CERT1: variants seen among roughly 807,000 people sequenced by gnomAD.
CERT1 encodes ceramide transfer protein.
A neutral mutation model predicts 87.9 loss-of-function variants in CERT1; 31 were observed. The observed-to-expected ratio is 0.35, with a 90% confidence interval of 0.27 to 0.48. The LOEUF is 0.48. CERT1 is among the 20% of genes least tolerant of loss of function. CERT1 has a pLI of 0.99. For missense variants in CERT1, 487 were observed against 758.0 expected, an observed-to-expected ratio of 0.64 and a Z score of 4.20; for synonymous variants, 289 against 250.9, an observed-to-expected ratio of 1.15 and a Z score of -1.44.
intron 5 of CERT1, 62 bp from the exon 6 acceptor site, chr5:75,419,486 A>G (rs1260184071): frequency 4.8e-5 from 53 of 1,104,522 alleles, no homozygotes; most frequent in Non-Finnish European, 8.1e-6. Flanking sequence ...GTCTATTCTT[A>G]TGTTCAACTG....
intron 2 of CERT1, among the ~76,000 whole-genome samples, chr5:75,462,862 C>T (rs767019831): frequency 2.3e-4 from 35 of 151,464 alleles, no homozygotes; most frequent in Middle Eastern, 3.4e-3. Context: ...TGTGGTGGCG[C>T]GCGCCTGTAG....
chr5:75,475,701 T>C (rs952847079), intron 2 of CERT1, among the ~76,000 whole-genome samples: 4 of 152,084 alleles, frequency 2.6e-5, no homozygotes, highest in African/African-American at 9.7e-5. Flanking sequence ...TAGCCTTTTT[T>C]TTTTCTTTTT....
chr5:75,473,684 T>C (rs1211771495), intron 2 of CERT1, among the ~76,000 whole-genome samples: 1 of 152,142 alleles, frequency 6.6e-6, no homozygotes, highest in Non-Finnish European at 1.5e-5. Context: ...CTATAGTTAA[T>C]GATTACATAC....
At chr5:75,458,596 G>C (rs551717689) in intron 3 of CERT1, among the ~76,000 whole-genome samples, 35 of 151,540 alleles carry the variant, frequency 2.3e-4, no homozygotes, top group Non-Finnish European at 2.6e-4. Flanking sequence ...CTGTTGCCCA[G>C]GCTGGAGTGC....
chr5:75,510,614 C>T (rs1223683760), intron 1 of CERT1, among the ~76,000 whole-genome samples: 2 of 152,168 alleles, frequency 1.3e-5, no homozygotes, highest in East Asian at 1.9e-4. Flanking sequence ...TGTCTCACTA[C>T]ATCTAACCTA....
intron 3 of CERT1, among the ~76,000 whole-genome samples, chr5:75,445,982 T>C (rs138643190): frequency 2.1e-4 from 32 of 152,362 alleles, no homozygotes; most frequent in African/African-American, 7.5e-4. Context: ...GTTGATTTTA[T>C]CTGTGAATCT....
At chr5:75,444,549 T>C (rs1008240704) in intron 3 of CERT1, among the ~76,000 whole-genome samples, 1 of 119,558 alleles carries the variant, frequency 8.4e-6, no homozygotes, top group Non-Finnish European at 1.6e-5. Flanking sequence ...TTTTCTTTTC[T>C]TTTTTTTTTT....
At chr5:75,415,262 G>T (rs1019631379) in intron 7 of CERT1, among the ~76,000 whole-genome samples, 1 of 152,152 alleles carries the variant, frequency 6.6e-6, no homozygotes, top group East Asian at 1.9e-4. Flanking sequence ...AGTGGAAAAG[G>T]TTAATAAAAT....
intron 2 of CERT1, among the ~76,000 whole-genome samples, chr5:75,490,603 C>T (rs367612229): frequency 0.017 from 2,540 of 152,018 alleles, 80 homozygotes; most frequent in African/African-American, 0.058. Flanking sequence ...GGTTCATGCC[C>T]TTCTCCTGCC....
At chr5:75,406,177 T>G (rs970664265) in intron 8 of CERT1, among the ~76,000 whole-genome samples, 1 of 152,268 alleles carries the variant, frequency 6.6e-6, no homozygotes, top group Admixed American at 6.5e-5. Flanking sequence ...AGTCAGTCTC[T>G]TAACCATTCT....
chr5:75,455,670 C>G (rs1764952836), intron 3 of CERT1, among the ~76,000 whole-genome samples: 1 of 152,106 alleles, frequency 6.6e-6, no homozygotes, highest in Non-Finnish European at 1.5e-5. Context: ...AAAATGAGTT[C>G]ATATTTATCT....
At chr5:75,380,510 C>A (rs1020069268) in intron 16 of CERT1, among the ~76,000 whole-genome samples, 1 of 151,978 alleles carries the variant, frequency 6.6e-6, no homozygotes, top group Non-Finnish European at 1.5e-5. Flanking sequence ...AAGGCTAGGT[C>A]GAGCGCAGTG....
At chr5:75,431,294 T>C (rs181418402) in intron 3 of CERT1, among the ~76,000 whole-genome samples, 152 of 152,244 alleles carry the variant, frequency 1.0e-3, no homozygotes, top group African/African-American at 3.4e-3. Context: ...CCTCCCACTT[T>C]TAAGTAAGAA....
chr5:75,442,848 A>G (rs576350008), intron 3 of CERT1, among the ~76,000 whole-genome samples: 7 of 152,312 alleles, frequency 4.6e-5, no homozygotes, highest in African/African-American at 1.7e-4. Context: ...AACTTTTACT[A>G]TAGTATACGT....
intron 14 of CERT1, among the ~76,000 whole-genome samples, chr5:75,384,166 T>C (rs1761695998): frequency 1.3e-5 from 2 of 152,206 alleles, no homozygotes; most frequent in South Asian, 4.1e-4. Context: ...CATTTACCTC[T>C]TATAGAAACT....
Position 75,400,352 on chromosome 5 carries a change from C to G in CERT1, c.1018-55G>C, listed in dbSNP as rs934161293. On this transcript the variant is annotated intron_variant, in intron 9 of 16. Transcript: ENST00000643780. ...AGGTTTTAAAGTGTATTTTGTAACT[C>G]AAGAATGGATAATATAACCTGGAAC... 14 of 1,236,384 alleles carry G rather than the reference C, an allele frequency of 1.1e-5. No individual in the cohort carries two copies. The East Asian group carries it at 3.4e-4, about 30-fold the overall frequency. The allele number at this position is 1,236,384 out of a possible 1,614,324, so 76.6% of individuals were successfully genotyped here.
chr5:75,476,812 C>T (rs926962480), intron 2 of CERT1, among the ~76,000 whole-genome samples: 1 of 152,094 alleles, frequency 6.6e-6, no homozygotes, highest in Admixed American at 6.5e-5. Context: ...AATGCCCTTC[C>T]TTGGAGGCAA....
In CERT1 at chr5:75,379,531, A is replaced by G. The variant is rs1358382886; in HGVS notation, c.1748-58T>C. ...GATACAATTCTCCAAACATATGTGAAGCACTTAATTTGTTCCCTTGTTTTT... is the reference window on the plus strand; with the variant it reads ...GATACAATTCTCCAAACATATGTGAGGCACTTAATTTGTTCCCTTGTTTTT... On this transcript the variant is annotated intron_variant, in intron 16 of 16. Transcript: ENST00000643780. 3.4e-6 allele frequency: 5 copies of G among 1,473,268 alleles called. No individual in the cohort carries two copies. The African/African-American group carries it at 7.1e-5, about 21-fold the overall frequency. The allele number at this position is 1,473,268 out of a possible 1,614,324, so 91.3% of individuals were successfully genotyped here.
intron 3 of CERT1, among the ~76,000 whole-genome samples, chr5:75,438,723 T>A (rs550477427): frequency 1.3e-5 from 2 of 152,270 alleles, no homozygotes; most frequent in South Asian, 4.1e-4. Flanking sequence ...AGATCCCTCA[T>A]ACAAATTTTT....
Sources: allele counts gnomAD v4.1 joint callset (sites outside exome capture counted in the v4.1 genomes callset), GRCh38; gene constraint gnomAD v4.1.1; transcripts MANE v1.5; gene names NCBI Gene and HGNC (gene_info 2026-07-23, HGNC 2026-07-21).